UBTD2: variants seen among roughly 807,000 people sequenced by gnomAD.
UBTD2 encodes ubiquitin domain-containing protein 2.
Under a neutral mutation model 19.8 loss-of-function variants are expected in UBTD2, and 9 were observed. The observed-to-expected ratio is 0.46, with a 90% CI of 0.27 to 0.79. The LOEUF is 0.79. Ranked by LOEUF, UBTD2 falls within the 30% of genes least tolerant of loss-of-function variation. UBTD2 has a pLI of 0.14. For synonymous variants in UBTD2, 98 were observed against 103.9 expected (o/e 0.94, Z 0.35); for missense variants, 250 against 300.4 (o/e 0.83, Z 1.24).
intron 2 of UBTD2, among the ~76,000 whole-genome samples, chr5:172,220,492 G>A (rs989122759): frequency 3.9e-5 from 6 of 152,094 alleles, no homozygotes; most frequent in African/African-American, 4.8e-5. Flanking sequence ...AAAACTAGCC[G>A]AGCGTGGTGG....
chr5:172,270,688 C>G (rs1399834250), intron 1 of UBTD2, among the ~76,000 whole-genome samples: 3 of 152,084 alleles, frequency 2.0e-5, no homozygotes, highest in African/African-American at 7.2e-5. Flanking sequence ...TGAATACTTG[C>G]AGCACACATA....
chr5:172,211,171 GGC>G lies in UBTD2; in HGVS notation c.*657_*658del, dbSNP rs1241326421. 6.6e-6 allele frequency: 1 copy of G among 152,154 alleles called. No individual in the cohort carries two copies. Among genetic ancestry groups the G allele is most frequent in the African/African-American group, 2.4e-5 (1 of 41,428 alleles). 9.4% of individuals were successfully genotyped at this position (152,154 alleles called of 1,614,324 possible). ...GGTGCCTGCCACTAATGTGCTGGAA[GGC>G]ACCAAAATTTAGTGTGAATGTAAAT... On this transcript the variant is annotated 3_prime_UTR_variant, in exon 3 of 3. Transcript: ENST00000393792.
intron 2 of UBTD2, among the ~76,000 whole-genome samples, chr5:172,213,237 TGCC>T (rs1198669187): frequency 6.6e-6 from 1 of 151,382 alleles, no homozygotes; most frequent in Non-Finnish European, 1.5e-5. Context: ...ATGATCCACC[TGCC>T]TTGGCCTTCC....
Position 172,283,695 on chromosome 5 carries a change from C to G in UBTD2, c.-30G>C. ...GCCCCCGGCGCCTCGTCCGCCACCT[C>G]CGGACGCTCGTCCGGGCCCGCCGCC... On this transcript the variant is annotated 5_prime_UTR_variant, in exon 1 of 3. Coordinates refer to ENST00000393792, the MANE Select transcript of UBTD2 (RefSeq NM_152277.3). This position sits in a 1 kb window ranked among gnomAD's most constrained non-coding sequence, Gnocchi z 4.3. 3.3e-6 allele frequency: 4 copies of G among 1,219,984 alleles called. No individual in the cohort carries two copies. The highest frequency in any genetic ancestry group is 4.1e-6 in the Non-Finnish European group (4 of 977,722). The allele number at this position is 1,219,984 out of a possible 1,614,324, so 75.6% of individuals were successfully genotyped here.
chr5:172,263,113 T>C (rs1330559905), intron 1 of UBTD2, among the ~76,000 whole-genome samples: 3 of 152,026 alleles, frequency 2.0e-5, no homozygotes, highest in African/African-American at 7.2e-5. Context: ...AATTTTTTTG[T>C]ACAGACAGGG....
chr5:172,263,128 G>A (rs1207304858), intron 1 of UBTD2, among the ~76,000 whole-genome samples: 2 of 151,890 alleles, frequency 1.3e-5, no homozygotes, highest in Admixed American at 6.6e-5. Context: ...ACAGGGTTTC[G>A]CCATGTTGCC....
chr5:172,250,315 T>C (rs528794446), intron 1 of UBTD2, among the ~76,000 whole-genome samples: 1 of 152,260 alleles, frequency 6.6e-6, no homozygotes, highest in South Asian at 2.1e-4. Context: ...GGAAAAATAG[T>C]TAACTTTACA....
At position 172,212,177 on chromosome 5, in the gene UBTD2, C is replaced by T; in HGVS notation, c.358G>A (p.Val120Met). The T allele has an allele frequency of 1.2e-6, 2 of 1,613,814 alleles. No homozygotes were observed. The highest frequency in any genetic ancestry group is 1.7e-6 in the Non-Finnish European group (2 of 1,179,704). The change falls in exon 3 of 3, where the codon GTG becomes ATG. Residue 120 changes from valine (V) to methionine (M), a missense_variant. Coordinates refer to ENST00000393792, the MANE Select transcript of UBTD2 (RefSeq NM_152277.3). ...DELGNRYQLP[V>M]YCLAPPINMI... ...TTGATTGGCGGTGCCAAGCAATACA[C>T]TGGAAGCTGATATCTGTTCCCCAGT...
chr5:172,261,585 GATA>G (rs1196080791), intron 1 of UBTD2, among the ~76,000 whole-genome samples: 1 of 151,996 alleles, frequency 6.6e-6, no homozygotes, highest in Non-Finnish European at 1.5e-5. Flanking sequence ...GACCCAGTTA[GATA>G]ATAACTGTGT....
chr5:172,270,774 G>A (rs188445511), intron 1 of UBTD2, among the ~76,000 whole-genome samples: 1 of 152,228 alleles, frequency 6.6e-6, no homozygotes, highest in African/African-American at 2.4e-5. Context: ...CATTAAAATT[G>A]TAACAGAATA....
intron 1 of UBTD2, among the ~76,000 whole-genome samples, chr5:172,255,599 C>G (rs1052297770): frequency 6.6e-6 from 1 of 152,010 alleles, no homozygotes; most frequent in African/African-American, 2.4e-5. Context: ...AGGACGGGAG[C>G]GCATGCAGCA....
At chr5:172,277,992 C>T (rs1755642075) in intron 1 of UBTD2, among the ~76,000 whole-genome samples, 1 of 152,084 alleles carries the variant, frequency 6.6e-6, no homozygotes, top group African/African-American at 2.4e-5. Context: ...CTAAGAGATA[C>T]TACTTCAGAA....
rs555392614 is a variant in UBTD2 at position 172,274,135 on chromosome 5, C to CT, written c.70+9460dup. ...CCTCCTCATGCTCAATTTTGCTTTACTTTTTTTTTTTTTTTTTTTTTTTGA... is the reference window on the plus strand; with the variant it reads ...CCTCCTCATGCTCAATTTTGCTTTACTTTTTTTTTTTTTTTTTTTTTTTTGA... On this transcript the variant is annotated intron_variant, in intron 1 of 2. Transcript: ENST00000393792. Among the ~76,000 whole-genome samples, 545 of 108,588 alleles carry CT rather than the reference C, an allele frequency of 5.0e-3. 5 individuals carry two copies. The highest frequency in any genetic ancestry group is 0.017 in the Middle Eastern group (3 of 178). The allele number at this position is 108,588 out of a possible 152,430, so 71.2% of individuals were successfully genotyped here.
intron 2 of UBTD2, among the ~76,000 whole-genome samples, chr5:172,214,963 A>C (rs1012534295): frequency 2.0e-5 from 3 of 152,232 alleles, no homozygotes; most frequent in African/African-American, 7.2e-5. Context: ...GTAAGGTCAC[A>C]GGGCAAACCA....
At chr5:172,257,680 T>C (rs529104010) in intron 1 of UBTD2, among the ~76,000 whole-genome samples, 1 of 152,348 alleles carries the variant, frequency 6.6e-6, no homozygotes, top group South Asian at 2.1e-4. Flanking sequence ...ATTGGTGTGA[T>C]AGTATCTCAT....
intron 2 of UBTD2, among the ~76,000 whole-genome samples, chr5:172,229,457 T>C (rs1029923166): frequency 2.8e-4 from 36 of 129,658 alleles, no homozygotes; most frequent in African/African-American, 7.8e-4. Flanking sequence ...GCCGAGATTG[T>C]GCCACTGCAC....
Position 172,244,295 on chromosome 5 carries a change from G to GTTTTTTTT in UBTD2, c.71-9945_71-9938dup, listed in dbSNP as rs1191361417. 2.4e-3 allele frequency among the ~76,000 whole-genome samples: 307 copies of GTTTTTTTT among 125,986 alleles called. 10 individuals are homozygous for GTTTTTTTT. Among genetic ancestry groups the GTTTTTTTT allele is most frequent in the African/African-American group, 5.3e-3 (177 of 33,106 alleles). 82.7% of individuals were successfully genotyped at this position (125,986 alleles called of 152,430 possible). On this transcript the variant is annotated intron_variant, in intron 1 of 2. Transcript: ENST00000393792. Reference sequence around the variant, plus strand: ...CAAGACTGTTTCCCCTTTCCTCCCAGTTTTTTTTTTTTTTTTTTGAGACAG... The same window carrying GTTTTTTTT: ...CAAGACTGTTTCCCCTTTCCTCCCAGTTTTTTTTTTTTTTTTTTTTTTTTTTGAGACAG...
At chr5:172,255,213 A>T (rs1311837542) in intron 1 of UBTD2, 2 of 445,386 alleles carry the variant, frequency 4.5e-6, no homozygotes, top group Non-Finnish European at 9.0e-6. Flanking sequence ...AATTCCCAGC[A>T]GAAGGAGGTG....
intron 1 of UBTD2, among the ~76,000 whole-genome samples, chr5:172,235,435 C>T (rs1449945265): frequency 6.6e-6 from 1 of 152,172 alleles, no homozygotes; most frequent in African/African-American, 2.4e-5. Context: ...GGAACTCAAA[C>T]AGGAACTAAT....
Sources: allele counts gnomAD v4.1 joint callset (sites outside exome capture counted in the v4.1 genomes callset), GRCh38; gene constraint gnomAD v4.1.1; non-coding constraint Gnocchi (gnomAD v3.1); transcripts MANE v1.5; gene names NCBI Gene and HGNC (gene_info 2026-07-23, HGNC 2026-07-21).